Variants in ESR1 observed in about 807,000 individuals in gnomAD.
ESR1 encodes estrogen receptor 1, also known as estrogen receptor.
ESR1 carries 12 observed loss-of-function variants against 52.7 expected under a neutral mutation model. That is an observed-to-expected ratio of 0.23 (90% CI 0.15 to 0.37). ESR1 has a LOEUF of 0.37. Ranked by LOEUF, ESR1 falls within the 10% of genes least tolerant of loss-of-function variation. ESR1 has a pLI of 1.00. For missense variants in ESR1, 584 were observed against 779.7 expected (o/e 0.75, Z 2.99); for synonymous variants, 305 against 316.8 (o/e 0.96, Z 0.39).
intron 6 of ESR1, among the ~76,000 whole-genome samples, chr6:152,115,511 T>A (rs1224550103): frequency 6.6e-6 from 1 of 152,142 alleles, no homozygotes; most frequent in Non-Finnish European, 1.5e-5. Flanking sequence ...AAGAAACTTT[T>A]GCATAATCTT....
intron 5 of ESR1, among the ~76,000 whole-genome samples, chr6:152,020,536 C>T (rs889358114): frequency 9.3e-5 from 14 of 150,720 alleles, no homozygotes; most frequent in South Asian, 6.3e-4. Flanking sequence ...CTTCAATTTC[C>T]GCCTCCTGGG....
intron 2 of ESR1, among the ~76,000 whole-genome samples, chr6:151,750,070 T>C (rs1783788249): frequency 6.6e-6 from 1 of 152,234 alleles, no homozygotes; most frequent in Non-Finnish European, 1.5e-5. Flanking sequence ...GACACTTAGA[T>C]ACATTTCATA....
rs961174618 is a variant in ESR1 at position 151,899,312 on chromosome 6, A to G, written c.760+18541A>G. Among the ~76,000 whole-genome samples, 26 of 81,300 alleles carry G rather than the reference A, an allele frequency of 3.2e-4. No individual in the cohort carries two copies. The East Asian group carries it at 6.2e-3, about 19-fold the overall frequency. 53.3% of individuals were successfully genotyped at this position (81,300 alleles called of 152,430 possible). A position where few individuals can be genotyped will look rare whatever the true frequency, so the allele number is the denominator to read the frequency against. ...GGCCGGGCGGGGGGCTGACCCCCCCACCTCCCTCCCGGACGGGGCGGCTGG... is the reference window on the plus strand; with the variant it reads ...GGCCGGGCGGGGGGCTGACCCCCCCGCCTCCCTCCCGGACGGGGCGGCTGG... On this transcript the variant is annotated intron_variant, in intron 3 of 7. Transcript: ENST00000206249.
At chr6:152,117,997 C>T (rs962030608) in intron 6 of ESR1, among the ~76,000 whole-genome samples, 1 of 152,182 alleles carries the variant, frequency 6.6e-6, no homozygotes, top group East Asian at 1.9e-4. Flanking sequence ...CCTGAATTAA[C>T]TTCTCAGTGT....
intron 4 of ESR1, among the ~76,000 whole-genome samples, chr6:151,958,855 C>A (rs2037308643): frequency 6.6e-6 from 1 of 152,162 alleles, no homozygotes; most frequent in Admixed American, 6.5e-5. Context: ...TGGTTGCGAG[C>A]CAACAGCTTT....
chr6:151,813,264 T>C (rs1779094916), intron 1 of ESR1: 1 of 152,200 alleles, frequency 6.6e-6, no homozygotes. Flanking sequence ...TGGTCTCAAC[T>C]GACACAATTT....
intron 2 of ESR1, among the ~76,000 whole-genome samples, chr6:151,703,725 T>C (rs1779970199): frequency 6.6e-6 from 1 of 152,224 alleles, no homozygotes; most frequent in Non-Finnish European, 1.5e-5. Flanking sequence ...TGCAAGTCAC[T>C]GGGGGTATGG....
At chr6:152,106,276 A>T (rs959370855), downstream of ESR1, among the ~76,000 whole-genome samples, 5 of 152,170 alleles carry the variant, frequency 3.3e-5, no homozygotes, top group African/African-American at 9.7e-5. Flanking sequence ...CTATCTTTTT[A>T]AAAAAATTGA....
intron 4 of ESR1, among the ~76,000 whole-genome samples, chr6:152,001,447 A>G (rs943102955): frequency 9.9e-5 from 15 of 152,070 alleles, no homozygotes; most frequent in African/African-American, 3.1e-4. Flanking sequence ...AGACATGAAT[A>G]CATCTTAACA....
intron 2 of ESR1, among the ~76,000 whole-genome samples, chr6:151,786,752 A>G (rs1787067868): frequency 6.6e-6 from 1 of 150,542 alleles, no homozygotes. Flanking sequence ...TCTTCTGTCT[A>G]TGGGTAGCTA....
At chr6:151,928,340 C>T (rs1411375860) in intron 3 of ESR1, among the ~76,000 whole-genome samples, 1 of 152,176 alleles carries the variant, frequency 6.6e-6, no homozygotes, top group Non-Finnish European at 1.5e-5. Flanking sequence ...GGCAACAAAA[C>T]ACACTATAGA....
chr6:151,920,583 C>T (rs1462910334), intron 3 of ESR1, among the ~76,000 whole-genome samples: 3 of 152,098 alleles, frequency 2.0e-5, no homozygotes, highest in Non-Finnish European at 2.9e-5. Context: ...CATGTCTTCC[C>T]AGGCTCGCCA....
At chr6:151,679,355 T>C (rs1457269883) in intron 1 of ESR1, among the ~76,000 whole-genome samples, 5 of 152,094 alleles carry the variant, frequency 3.3e-5, no homozygotes, top group African/African-American at 4.8e-5. Flanking sequence ...GTTAGCTTTA[T>C]TTATTTATTT....
At chr6:152,129,334 C>T (rs564965166) in exon 7 of ESR1, 1 of 152,304 alleles carries the variant, frequency 6.6e-6, no homozygotes, top group Admixed American at 6.5e-5. Context: ...TCTCTGGTAT[C>T]CTCGAAGGAA....
chr6:152,006,686 G>A (rs1256887703), intron 4 of ESR1, among the ~76,000 whole-genome samples: 1 of 151,884 alleles, frequency 6.6e-6, no homozygotes, highest in Non-Finnish European at 1.5e-5. Context: ...GAAAGGGAAA[G>A]AGATGAATTA....
intron 2 of ESR1, among the ~76,000 whole-genome samples, chr6:151,785,071 G>A (rs62442034): frequency 0.012 from 1,876 of 152,346 alleles, 16 homozygotes; most frequent in Non-Finnish European, 0.021. Context: ...CTGATGGTTG[G>A]TGTCAACCAT....
chr6:151,664,149 C>T (rs1777737539), intron 1 of ESR1, among the ~76,000 whole-genome samples: 5 of 152,132 alleles, frequency 3.3e-5, no homozygotes, highest in Admixed American at 2.6e-4. Context: ...GAAGTGGTGA[C>T]TTAGACTTGA....
At chr6:152,055,609 G>C (rs2047035159) in intron 5 of ESR1, among the ~76,000 whole-genome samples, 1 of 151,990 alleles carries the variant, frequency 6.6e-6, no homozygotes, top group African/African-American at 2.4e-5. Context: ...ATTTATCTTT[G>C]ATCTTGCTCC....
intron 2 of ESR1, among the ~76,000 whole-genome samples, chr6:151,758,761 TAAA>T (rs67609508): frequency 1.6e-5 from 2 of 124,316 alleles, no homozygotes; most frequent in Admixed American, 7.8e-5. Flanking sequence ...TGTCTCAAAT[TAAA>T]AAAAAAAAAA....
Sources: gnomAD v4.1 joint callset for allele counts (sites outside exome capture counted in the v4.1 genomes callset) on GRCh38, gnomAD v4.1.1 for gene constraint, MANE v1.5 for transcripts, NCBI Gene and HGNC (gene_info 2026-07-23, HGNC 2026-07-21) for gene names.